IFNG-AS1: variants seen among roughly 807,000 people sequenced by gnomAD.
IFNG-AS1 encodes IFNG antisense RNA 1 (non-protein coding).
intron 3 of IFNG-AS1, among the ~76,000 whole-genome samples, chr12:68,011,944 C>T (rs531734960): frequency 6.6e-6 from 1 of 152,294 alleles, no homozygotes; most frequent in East Asian, 1.9e-4. Context: ...TGCAAGCCTC[C>T]TTCAGTTACC....
intron 3 of IFNG-AS1, among the ~76,000 whole-genome samples, chr12:68,015,004 A>C (rs1406397130): frequency 6.6e-6 from 1 of 152,190 alleles, no homozygotes; most frequent in Non-Finnish European, 1.5e-5. Context: ...AAACCCAGGC[A>C]CCAAGATCAA....
At chr12:67,990,990 A>G (rs1336288545) in intron 1 of IFNG-AS1, among the ~76,000 whole-genome samples, 1 of 152,184 alleles carries the variant, frequency 6.6e-6, no homozygotes, top group African/African-American at 2.4e-5. Context: ...CCATGTGCAT[A>G]TGGCTATTAA....
At chr12:68,008,908 T>C (rs1879965273) in intron 3 of IFNG-AS1, among the ~76,000 whole-genome samples, 1 of 152,220 alleles carries the variant, frequency 6.6e-6, no homozygotes, top group Non-Finnish European at 1.5e-5. Context: ...GCAGTAGATT[T>C]CAGTGAACAG....
chr12:67,990,470 C>T (rs530855457), intron 1 of IFNG-AS1, among the ~76,000 whole-genome samples: 1 of 152,230 alleles, frequency 6.6e-6, no homozygotes, highest in South Asian at 2.1e-4. Context: ...AAGTTAAGAG[C>T]GATTAGCTTT....
chr12:67,991,360 C>T lies in IFNG-AS1; in HGVS notation n.51+1781C>T, dbSNP rs539505381. ...GGGTTGGAGCATCTGGGAAAGCCCC[C>T]GTGGGGTTGAGAGGTGTGGCTGGCT... On this transcript the variant is annotated intron_variant and non_coding_transcript_variant, in intron 1 of 5. Coordinates refer to ENST00000536914, the Ensembl canonical transcript of IFNG-AS1. Among the ~76,000 whole-genome samples the T allele has an allele frequency of 7.0e-4, 107 of 152,166 alleles. 1 individual carries two copies. Among genetic ancestry groups the T allele is most frequent in the African/African-American group, 2.3e-3 (97 of 41,504 alleles).
At chr12:67,997,522 T>TA (rs1264847685) in intron 2 of IFNG-AS1, among the ~76,000 whole-genome samples, 5 of 151,210 alleles carry the variant, frequency 3.3e-5, no homozygotes, top group Non-Finnish European at 7.4e-5. Flanking sequence ...AATATAAATG[T>TA]AAAAAAAAAT....
At chr12:68,016,264 C>T (rs763441977) in intron 3 of IFNG-AS1, among the ~76,000 whole-genome samples, 125 of 152,120 alleles carry the variant, frequency 8.2e-4, no homozygotes, top group Non-Finnish European at 1.6e-3. Flanking sequence ...CATAGTGGAA[C>T]TCCTAGGCTC....
intron 4 of IFNG-AS1, chr12:68,020,105 C>G (rs1329113734): frequency 6.6e-6 from 1 of 152,122 alleles, no homozygotes; most frequent in African/African-American, 2.4e-5. Flanking sequence ...CCTGGAAAGC[C>G]GGACTAGGAA....
At chr12:68,019,674 T>A (rs1268756044) in intron 3 of IFNG-AS1, among the ~76,000 whole-genome samples, 1 of 152,142 alleles carries the variant, frequency 6.6e-6, no homozygotes, top group Non-Finnish European at 1.5e-5. Context: ...CCTATCAGAT[T>A]TCTAAGTAAA....
intron 1 of IFNG-AS1, among the ~76,000 whole-genome samples, chr12:67,989,951 TTTC>T (rs1489872611): frequency 2.0e-5 from 3 of 152,324 alleles, no homozygotes; most frequent in African/African-American, 7.2e-5. Context: ...TTCTAGGGAA[TTTC>T]TTCTTAACAT....
intron 3 of IFNG-AS1, among the ~76,000 whole-genome samples, chr12:68,017,157 A>T (rs1256861660): frequency 1.3e-5 from 2 of 152,124 alleles, no homozygotes; most frequent in South Asian, 2.1e-4. Context: ...AGGTAGGAAG[A>T]CCCCTGAGGT....
At chr12:68,011,041 G>C (rs1357404092) in intron 3 of IFNG-AS1, among the ~76,000 whole-genome samples, 1 of 152,154 alleles carries the variant, frequency 6.6e-6, no homozygotes, top group Non-Finnish European at 1.5e-5. Context: ...GGCCAGAAAA[G>C]GTTTTGTAAA....
intron 3 of IFNG-AS1, among the ~76,000 whole-genome samples, chr12:68,014,090 C>T (rs1170168662): frequency 1.3e-5 from 2 of 152,184 alleles, no homozygotes; most frequent in African/African-American, 4.8e-5. Context: ...AGTCTCCAGT[C>T]TCATCCAGGT....
chr12:67,994,721 C>T (rs1274842361), intron 1 of IFNG-AS1, among the ~76,000 whole-genome samples: 4 of 152,112 alleles, frequency 2.6e-5, no homozygotes, highest in East Asian at 1.9e-4. Context: ...AATAGATGTA[C>T]GTGAAGCACA....
At chr12:68,001,471 C>T in intron 2 of IFNG-AS1, 1 of 254,722 alleles carries the variant, frequency 3.9e-6, no homozygotes, top group East Asian at 9.9e-5. Context: ...TCATCTGATT[C>T]CACTAGGGAA....
intron 3 of IFNG-AS1, among the ~76,000 whole-genome samples, chr12:68,017,783 T>C (rs1880189631): frequency 6.6e-6 from 1 of 152,196 alleles, no homozygotes; most frequent in African/African-American, 2.4e-5. Flanking sequence ...CTAGTCATTA[T>C]ATCTTTCTTT....
At chr12:68,006,680 GAAGCCTTTTTAAA>G (rs376378388) in intron 3 of IFNG-AS1, among the ~76,000 whole-genome samples, 16 of 152,346 alleles carry the variant, frequency 1.1e-4, no homozygotes, top group African/African-American at 3.6e-4. Context: ...TAATTAGCTG[GAAGCCTTTTTAAA>G]GAGGGTTTGG....
intron 1 of IFNG-AS1, among the ~76,000 whole-genome samples, chr12:67,991,631 C>A (rs1028712631): frequency 6.6e-6 from 1 of 152,246 alleles, no homozygotes; most frequent in Non-Finnish European, 1.5e-5. Context: ...GGAAAGCCCG[C>A]AAGATGGGCC....
At chr12:68,003,640 C>T (rs1054560782) in intron 2 of IFNG-AS1, among the ~76,000 whole-genome samples, 2 of 152,138 alleles carry the variant, frequency 1.3e-5, no homozygotes, top group East Asian at 1.9e-4. Flanking sequence ...TTAGGCCGGG[C>T]GTGGTGGCTC....
Sources: allele counts gnomAD v4.1 joint callset (sites outside exome capture counted in the v4.1 genomes callset), GRCh38; gene constraint gnomAD v4.1.1; transcripts MANE v1.5; gene names NCBI Gene and HGNC (gene_info 2026-07-23, HGNC 2026-07-21).